Variants in CCDC28A observed in about 807,000 individuals in gnomAD.
CCDC28A encodes coiled-coil domain-containing protein 28A.
Under a neutral mutation model 22.1 loss-of-function variants are expected in CCDC28A, and 24 were observed. The ratio of observed to expected loss-of-function variants is 1.09; its 90% CI spans 0.79 to 1.53. The LOEUF is 1.53. Among genes scored for constraint, CCDC28A ranks in the 40% most tolerant of loss-of-function variants. CCDC28A has a pLI of 0.00. For missense variants in CCDC28A, 170 were observed against 210.7 expected (o/e 0.81, Z 1.20); for synonymous variants, 83 against 74.7 (o/e 1.11, Z -0.57).
At chr6:138,783,843 T>C (rs1775055859) in intron 3 of CCDC28A, among the ~76,000 whole-genome samples, 5 of 151,282 alleles carry the variant, frequency 3.3e-5, no homozygotes. Context: ...GTGTTAAGAT[T>C]ACAGGCGTGA....
intron 3 of CCDC28A, among the ~76,000 whole-genome samples, chr6:138,780,818 C>T (rs540562760): frequency 6.6e-6 from 1 of 152,184 alleles, no homozygotes; most frequent in South Asian, 2.1e-4. Context: ...GTGATCTGCC[C>T]GCCTCGGCCT....
At chr6:138,781,064 C>G (rs1021509837) in intron 3 of CCDC28A, among the ~76,000 whole-genome samples, 1 of 152,124 alleles carries the variant, frequency 6.6e-6, no homozygotes, top group African/African-American at 2.4e-5. Flanking sequence ...CCTCTTATCC[C>G]TTCTGCTACT....
At position 138,776,284 on chromosome 6, in the gene CCDC28A, T is replaced by G; in HGVS notation, c.158+6T>G. 1 of 1,602,888 alleles carries G rather than the reference T, an allele frequency of 6.2e-7. No individual in the cohort carries two copies. The highest frequency in any genetic ancestry group is 8.5e-7 in the Non-Finnish European group (1 of 1,169,832). On this transcript the variant is annotated splice_donor_region_variant and intron_variant, in intron 2 of 5. Transcript: ENST00000617445. The stretch of plus-strand genomic sequence containing the variant: ...CAGCGACCAAAGTTAAAAAGGTGAA[T>G]TCTTTTATTTTACATGTTCACAGTA...
At chr6:138,784,720 A>C (rs1356109258) in intron 3 of CCDC28A, among the ~76,000 whole-genome samples, 2 of 149,438 alleles carry the variant, frequency 1.3e-5, no homozygotes, top group Admixed American at 1.3e-4. Context: ...TTTGAGACAG[A>C]GTCTCGCTCT....
intron 3 of CCDC28A, among the ~76,000 whole-genome samples, chr6:138,783,845 C>T (rs1016287274): frequency 6.6e-6 from 1 of 150,446 alleles, no homozygotes; most frequent in Admixed American, 6.6e-5. Context: ...GTTAAGATTA[C>T]AGGCGTGAGC....
intron 1 of CCDC28A, among the ~76,000 whole-genome samples, chr6:138,775,059 C>T (rs928410412): frequency 6.6e-6 from 1 of 152,206 alleles, no homozygotes; most frequent in Non-Finnish European, 1.5e-5. Context: ...CCTGCCTCAG[C>T]CTCCTGAGTA....
Position 138,792,801 on chromosome 6 carries a change from T to C in CCDC28A, c.553T>C (p.Ter185GlnextTer4). The C allele has an allele frequency of 6.2e-7, 1 of 1,603,818 alleles. No homozygotes were observed. ...AGATGTTCCAAATACTTCTGCTAGC[T>C]AAAATGAAATGTAGTTTGCTTTCTT... ...AQDVPNTSAS[*>Q] Residue 185 changes from the stop codon to glutamine (Q), a stop_lost, in exon 6 of 6, where the codon TAA (stop) becomes CAA (glutamine). Coordinates refer to ENST00000617445, the MANE Select transcript of CCDC28A (RefSeq NM_015439.3).
rs1377660929 is a variant in CCDC28A, at chr6:138,793,060, C to T, written c.*257C>T. ...TGTGCTGCTGTGCTTCATATTGTTGCCTTATGGGATTATACTTGAAATGCA... is the reference window on the plus strand; with the variant it reads ...TGTGCTGCTGTGCTTCATATTGTTGTCTTATGGGATTATACTTGAAATGCA... On this transcript the variant is annotated 3_prime_UTR_variant, in exon 6 of 6. Transcript: ENST00000617445. The T allele has an allele frequency of 9.1e-6, 4 of 441,754 alleles. No homozygotes were observed. The highest frequency in any genetic ancestry group is 8.0e-5 in the African/African-American group (4 of 49,878). 27.4% of individuals were successfully genotyped at this position (441,754 alleles called of 1,614,324 possible).
Position 138,779,953 on chromosome 6 carries a change from A to G in CCDC28A, c.290A>G (p.Asn97Ser). The G allele has an allele frequency of 6.2e-7, 1 of 1,612,704 alleles. No homozygotes were observed. The highest frequency in any genetic ancestry group is 1.1e-5 in the South Asian group (1 of 90,750). ...GAGAGAGGGCTGCTCAGTCTTTTGAATGATTTCCACTCTGGAAAACTTCAA... is the reference window on the plus strand; with the variant it reads ...GAGAGAGGGCTGCTCAGTCTTTTGAGTGATTTCCACTCTGGAAAACTTCAA... The part of the protein sequence containing the change: ...EMERGLLSLL[N>S]DFHSGKLQAF... Residue 97 changes from asparagine to serine, a missense_variant, in exon 3 of 6, where the codon AAT becomes AGT. Coordinates refer to ENST00000617445, the MANE Select transcript of CCDC28A (RefSeq NM_015439.3).
chr6:138,776,743 C>T (rs960129963), intron 2 of CCDC28A, among the ~76,000 whole-genome samples: 6 of 151,762 alleles, frequency 4.0e-5, no homozygotes, highest in Admixed American at 6.6e-5. Flanking sequence ...GGCCTTGAAC[C>T]TCTGGGCTCA....
At chr6:138,779,495 A>G (rs1656934176) in intron 2 of CCDC28A, among the ~76,000 whole-genome samples, 1 of 152,224 alleles carries the variant, frequency 6.6e-6, no homozygotes, top group Non-Finnish European at 1.5e-5. Flanking sequence ...GAAAGGTGTA[A>G]TATGTTTTAC....
At chr6:138,791,719 C>T (rs1020949937) in intron 5 of CCDC28A, among the ~76,000 whole-genome samples, 4 of 152,184 alleles carry the variant, frequency 2.6e-5, no homozygotes, top group African/African-American at 9.7e-5. Context: ...TCAAGCTGAC[C>T]ACTTCCATAA....
chr6:138,778,065 T>G (rs1009901235), intron 2 of CCDC28A, among the ~76,000 whole-genome samples: 1 of 152,206 alleles, frequency 6.6e-6, no homozygotes, highest in African/African-American at 2.4e-5. Context: ...AATGCAGCCC[T>G]TGCTTTGGGA....
chr6:138,776,735 C>G (rs1354823156), intron 2 of CCDC28A, among the ~76,000 whole-genome samples: 3 of 151,854 alleles, frequency 2.0e-5, no homozygotes, highest in Admixed American at 2.0e-4. Context: ...CCCAGGCCGG[C>G]CTTGAACCTC....
chr6:138,790,992 C>CA (rs1775161464), intron 5 of CCDC28A, among the ~76,000 whole-genome samples: 3 of 152,096 alleles, frequency 2.0e-5, no homozygotes, highest in Non-Finnish European at 4.4e-5. Context: ...AATATAGTAG[C>CA]CACTAAGCCA....
intron 5 of CCDC28A, 89 bp from the exon 6 acceptor site, chr6:138,792,660 C>T (rs966828991): frequency 7.4e-6 from 6 of 810,988 alleles, no homozygotes; most frequent in South Asian, 4.3e-5. Context: ...TTTTAAATAC[C>T]GCTTTCTCTT....
intron 1 of CCDC28A, among the ~76,000 whole-genome samples, chr6:138,774,144 C>G (rs1034268836): frequency 4.6e-5 from 7 of 152,202 alleles, no homozygotes; most frequent in African/African-American, 1.7e-4. Flanking sequence ...CTAAAACATT[C>G]TTTGCTGTTT....
chr6:138,792,752 A>G lies in CCDC28A; in HGVS notation c.504A>G (p.Gln168=). The change falls in exon 6 of 6, where the codon CAA becomes CAG. Residue 168 remains glutamine (Q), a synonymous_variant. Coordinates refer to ENST00000617445, the MANE Select transcript of CCDC28A (RefSeq NM_015439.3). Reference sequence around the variant, plus strand: ...TCTTCTTAACTGATTAATTCAGACAAAAACTCCATTTGGCAGATGCACAAG... The same window carrying G: ...TCTTCTTAACTGATTAATTCAGACAGAAACTCCATTTGGCAGATGCACAAG... ...SDLEELNSSI[Q]KLHLADAQDV... The G allele has an allele frequency of 6.2e-7, 1 of 1,601,328 alleles. No individual in the cohort carries two copies. Among genetic ancestry groups the G allele is most frequent in the Non-Finnish European group, 8.5e-7 (1 of 1,171,274 alleles).
intron 5 of CCDC28A, among the ~76,000 whole-genome samples, 182 bp from the exon 6 acceptor site, chr6:138,792,567 A>G (rs2128363749): frequency 6.6e-6 from 1 of 152,316 alleles, no homozygotes; most frequent in South Asian, 2.1e-4. Flanking sequence ...ACAAGAGTAT[A>G]ATTTACTACA....
Sources: allele counts gnomAD v4.1 joint callset (sites outside exome capture counted in the v4.1 genomes callset), GRCh38; gene constraint gnomAD v4.1.1; transcripts MANE v1.5; gene names NCBI Gene and HGNC (gene_info 2026-07-23, HGNC 2026-07-21).